Variants in NEGR1 observed in about 807,000 individuals in gnomAD.
NEGR1 encodes the protein IgLON family member 4.
A neutral mutation model predicts 40.9 loss-of-function variants in NEGR1; 10 were observed. The observed-to-expected ratio is 0.24, with a 90% CI of 0.15 to 0.42. NEGR1 has a LOEUF of 0.42. NEGR1 is among the 10% of genes least tolerant of loss of function. The probability of loss-of-function intolerance (pLI) is 1.00; values close to 1 mark genes in which losing one functional copy is unlikely to be tolerated. For missense variants in NEGR1, 352 were observed against 438.9 expected, an observed-to-expected ratio of 0.80 and a Z score of 1.77; for synonymous variants, 185 against 166.8, an observed-to-expected ratio of 1.11 and a Z score of -0.84.
intron 1 of NEGR1, among the ~76,000 whole-genome samples, chr1:72,012,359 A>G (rs1442779888): frequency 6.6e-6 from 1 of 152,018 alleles, no homozygotes; most frequent in African/African-American, 2.4e-5. Context: ...CAGGGTTAAC[A>G]CACTCTGTGT....
intron 4 of NEGR1, among the ~76,000 whole-genome samples, chr1:71,674,033 C>A (rs1434493833): frequency 1.3e-5 from 2 of 152,022 alleles, no homozygotes; most frequent in African/African-American, 2.4e-5. Context: ...GAAAAATAAT[C>A]TCTCAACATT....
chr1:71,801,304 T>C lies in NEGR1; in HGVS notation c.410-25007A>G, dbSNP rs1288758903. ...ATTGTTGGACCTCCTTTTATCTACA[T>C]TACTGCTTTAGTGAGTCCATCACAT... On this transcript the variant is annotated intron_variant, in intron 2 of 6. Coordinates refer to ENST00000357731, the MANE Select transcript of NEGR1 (RefSeq NM_173808.3). Among the ~76,000 whole-genome samples, 7 of 152,270 alleles carry C rather than the reference T, an allele frequency of 4.6e-5. No individual in the cohort carries two copies. The East Asian group carries it at 1.4e-3, about 29-fold the overall frequency.
chr1:71,820,380 T>C (rs1297691947), intron 2 of NEGR1, among the ~76,000 whole-genome samples: 1 of 151,996 alleles, frequency 6.6e-6, no homozygotes, highest in Non-Finnish European at 1.5e-5. Context: ...GAGTAAGGAC[T>C]CCACAATTAT....
intron 2 of NEGR1, among the ~76,000 whole-genome samples, chr1:71,844,905 G>A (rs980344287): frequency 1.3e-5 from 2 of 152,116 alleles, no homozygotes; most frequent in Non-Finnish European, 2.9e-5. Flanking sequence ...TGCCCAGGGG[G>A]ACTATCCAGG....
intron 1 of NEGR1, among the ~76,000 whole-genome samples, chr1:72,278,795 A>C (rs1476341841): frequency 6.6e-6 from 1 of 152,172 alleles, no homozygotes. Flanking sequence ...GTTAAGAATA[A>C]AATACTGTAT....
At chr1:71,832,246 C>T (rs752343410) in intron 2 of NEGR1, among the ~76,000 whole-genome samples, 9 of 151,868 alleles carry the variant, frequency 5.9e-5, no homozygotes, top group African/African-American at 9.7e-5. Context: ...ATAGTGATAC[C>T]GGTGACAGAA....
chr1:71,902,155 T>G (rs908651164), intron 2 of NEGR1, among the ~76,000 whole-genome samples: 3 of 152,062 alleles, frequency 2.0e-5, no homozygotes, highest in African/African-American at 7.2e-5. Context: ...TTGAAAGAGG[T>G]AGGTGAAGTG....
At position 71,872,346 on chromosome 1, in the gene NEGR1, C is replaced by T. The variant is rs1660302815; in HGVS notation, c.409+62733G>A. Reference sequence around the variant, plus strand: ...CTAAGACATGGTTCTATAGACTATTCTAGGAATTAAAGGAGTAGTATTGTG... The same window carrying T: ...CTAAGACATGGTTCTATAGACTATTTTAGGAATTAAAGGAGTAGTATTGTG... On this transcript the variant is annotated intron_variant, in intron 2 of 6. Transcript: ENST00000357731. Among the ~76,000 whole-genome samples, 4 of 152,142 alleles carry T rather than the reference C, an allele frequency of 2.6e-5. No homozygotes were observed. In the South Asian group the frequency reaches 8.3e-4, roughly 32 times the overall value.
At chr1:71,782,886 T>C (rs1252610630) in intron 2 of NEGR1, among the ~76,000 whole-genome samples, 1 of 152,172 alleles carries the variant, frequency 6.6e-6, no homozygotes, top group East Asian at 1.9e-4. Flanking sequence ...ACTATAGCTT[T>C]TGCCATGCAA....
chr1:71,425,430 C>T (rs937440216), intron 6 of NEGR1, among the ~76,000 whole-genome samples: 1 of 152,086 alleles, frequency 6.6e-6, no homozygotes, highest in African/African-American at 2.4e-5. Flanking sequence ...AACCTTTCCC[C>T]AACTATAAAA....
At chr1:71,766,959 C>T (rs189907888) in intron 3 of NEGR1, among the ~76,000 whole-genome samples, 1 of 152,270 alleles carries the variant, frequency 6.6e-6, no homozygotes, top group Admixed American at 6.5e-5. Context: ...TATCCTAAGG[C>T]CTCTCCAGAA....
At chr1:71,708,487 AAT>A (rs1371614867) in intron 3 of NEGR1, among the ~76,000 whole-genome samples, 1 of 152,176 alleles carries the variant, frequency 6.6e-6, no homozygotes, top group African/African-American at 2.4e-5. Flanking sequence ...TCTTCACAGA[AAT>A]AGAAAAACAA....
In NEGR1 at chr1:71,711,694, T is replaced by C. The variant is rs72944119; in HGVS notation, c.536-13555A>G. 5.2e-3 allele frequency among the ~76,000 whole-genome samples: 798 copies of C among 152,258 alleles called. 7 individuals are homozygous for C. The highest frequency in any genetic ancestry group is 0.018 in the African/African-American group (764 of 41,550). On this transcript the variant is annotated intron_variant, in intron 3 of 6. Transcript: ENST00000357731. ...TCAACAACTGTGTGAATGATTATAT[T>C]AGCATTACTGACAATTGCTAAAAAC... is the stretch of plus-strand genomic sequence containing the variant.
At chr1:72,172,607 T>C (rs1652002421) in intron 1 of NEGR1, among the ~76,000 whole-genome samples, 1 of 152,336 alleles carries the variant, frequency 6.6e-6, no homozygotes, top group Middle Eastern at 3.4e-3. Context: ...AAACATATTG[T>C]AATCGTTTCC....
intron 1 of NEGR1, among the ~76,000 whole-genome samples, chr1:72,217,540 T>G (rs984862982): frequency 6.6e-6 from 1 of 151,788 alleles, no homozygotes; most frequent in Non-Finnish European, 1.5e-5. Flanking sequence ...CAGCATTACT[T>G]GGCAATAACT....
At chr1:71,989,607 G>C (rs1646432210) in intron 1 of NEGR1, among the ~76,000 whole-genome samples, 1 of 151,856 alleles carries the variant, frequency 6.6e-6, no homozygotes, top group South Asian at 2.1e-4. Flanking sequence ...AATCCTTCCA[G>C]CATGCTTATT....
intron 6 of NEGR1, among the ~76,000 whole-genome samples, chr1:71,537,688 T>C (rs1647553690): frequency 6.6e-6 from 1 of 151,728 alleles, no homozygotes. Flanking sequence ...ATAACAGAAT[T>C]ACACAATTAA....
chr1:72,075,030 T>A (rs1283394290), intron 1 of NEGR1, among the ~76,000 whole-genome samples: 1 of 152,134 alleles, frequency 6.6e-6, no homozygotes, highest in Non-Finnish European at 1.5e-5. Flanking sequence ...ATATTGTAGC[T>A]TTTATTAATC....
At chr1:72,195,472 TTC>T (rs1652967699) in intron 1 of NEGR1, among the ~76,000 whole-genome samples, 2 of 152,066 alleles carry the variant, frequency 1.3e-5, no homozygotes, top group African/African-American at 2.4e-5. Flanking sequence ...TCAGATTTTT[TTC>T]TTATTACATA....
Sources: gnomAD v4.1 joint callset for allele counts (sites outside exome capture counted in the v4.1 genomes callset) on GRCh38, gnomAD v4.1.1 for gene constraint, MANE v1.5 for transcripts, NCBI Gene and HGNC (gene_info 2026-07-23, HGNC 2026-07-21) for gene names.